MBD5: variants seen among roughly 807,000 people sequenced by gnomAD.
MBD5 encodes the protein methyl-CpG binding domain protein 5.
In MBD5, 13 loss-of-function variants were observed where a neutral mutation model predicts 117.3. The ratio of observed to expected loss-of-function variants is 0.11; its 90% CI spans 0.07 to 0.18. The LOEUF (loss-of-function observed/expected upper bound fraction) is 0.18, where lower values mean the gene tolerates loss of function less well. MBD5 is among the 10% of genes least tolerant of loss of function. The probability of loss-of-function intolerance (pLI) is 1.00; values close to 1 mark genes in which losing one functional copy is unlikely to be tolerated. For missense variants in MBD5, 1,879 were observed against 2,093.8 expected (o/e 0.90, Z 2.00); for synonymous variants, 727 against 766.4 (o/e 0.95, Z 0.85).
intron 1 of MBD5, among the ~76,000 whole-genome samples, chr2:148,155,237 G>A (rs1032184410): frequency 1.3e-5 from 2 of 152,174 alleles, no homozygotes; most frequent in African/African-American, 4.8e-5. Context: ...TTTAAGCAAA[G>A]ATCTGAGGAG....
intron 4 of MBD5, among the ~76,000 whole-genome samples, chr2:148,356,941 A>ACTC (rs1347170705): frequency 3.7e-4 from 56 of 151,204 alleles, no homozygotes; most frequent in Non-Finnish European, 1.3e-4. Flanking sequence ...TCCCTTAGCA[A>ACTC]CTCCTAAGAA....
intron 1 of MBD5, chr2:148,027,336 G>A (rs1166689830): frequency 6.6e-6 from 1 of 152,134 alleles, no homozygotes; most frequent in Admixed American, 6.5e-5. Flanking sequence ...AAAAGCTACT[G>A]AATTAAAATA....
At chr2:148,128,195 T>A (rs1696948771) in intron 1 of MBD5, among the ~76,000 whole-genome samples, 1 of 152,218 alleles carries the variant, frequency 6.6e-6, no homozygotes, top group Admixed American at 6.5e-5. Flanking sequence ...TTCACTCTGA[T>A]AATAGTTTCT....
At chr2:148,320,671 T>A (rs72618898) in intron 3 of MBD5, among the ~76,000 whole-genome samples, 2,556 of 152,266 alleles carry the variant, frequency 0.017, 80 homozygotes, top group Admixed American at 0.081. Context: ...GGGACATTTT[T>A]TTATTTACTG....
At chr2:148,028,688 T>A (rs1693964135) in intron 1 of MBD5, 1 of 152,094 alleles carries the variant, frequency 6.6e-6, no homozygotes, top group Non-Finnish European at 1.5e-5. Context: ...GATTTTTAAA[T>A]AGCTTTGTTA....
intron 1 of MBD5, among the ~76,000 whole-genome samples, chr2:148,075,619 A>G (rs1434891149): frequency 6.6e-6 from 1 of 151,730 alleles, no homozygotes; most frequent in Non-Finnish European, 1.5e-5. Flanking sequence ...TTGTATTATA[A>G]GTGACTTCTT....
At chr2:148,212,422 G>A (rs1370343154) in intron 2 of MBD5, among the ~76,000 whole-genome samples, 1 of 151,974 alleles carries the variant, frequency 6.6e-6, no homozygotes, top group Non-Finnish European at 1.5e-5. Flanking sequence ...ACTTTTTATA[G>A]CCAAATAATG....
chr2:148,279,155 A>T (rs1701180754), intron 3 of MBD5, among the ~76,000 whole-genome samples: 1 of 152,160 alleles, frequency 6.6e-6, no homozygotes, highest in Non-Finnish European at 1.5e-5. Flanking sequence ...AGAGCCATCA[A>T]GGTGTGGTAG....
At chr2:148,467,885 A>G (rs1394136495) in intron 7 of MBD5, among the ~76,000 whole-genome samples, 1 of 152,208 alleles carries the variant, frequency 6.6e-6, no homozygotes, top group Non-Finnish European at 1.5e-5. Flanking sequence ...AAATCACCCA[A>G]GAAAATATTA....
At chr2:148,364,556 A>T (rs532426033) in intron 4 of MBD5, among the ~76,000 whole-genome samples, 6 of 152,152 alleles carry the variant, frequency 3.9e-5, no homozygotes, top group African/African-American at 1.4e-4. Context: ...CAAATCGGAC[A>T]AAGTGTCAAG....
intron 4 of MBD5, among the ~76,000 whole-genome samples, chr2:148,352,516 T>C (rs1703271666): frequency 6.6e-6 from 1 of 152,008 alleles, no homozygotes; most frequent in Admixed American, 6.6e-5. Context: ...ACCACACCCA[T>C]TTCCCTTCCC....
Position 148,388,147 on chromosome 2 carries a change from T to C in MBD5, c.-557+45811T>C, listed in dbSNP as rs145801387. 8.9e-4 allele frequency among the ~76,000 whole-genome samples: 136 copies of C among 152,266 alleles called. 3 individuals are homozygous for C. Among genetic ancestry groups the C allele is most frequent in the African/African-American group, 3.1e-3 (127 of 41,572 alleles). On this transcript the variant is annotated intron_variant, in intron 4 of 13. Coordinates refer to ENST00000642680, the MANE Select transcript of MBD5 (RefSeq NM_001378120.1). ...AGCTTGACCAAAGGAACAAAATACA[T>C]TGTTTTGTGATTACCTAAATATGTG... is the stretch of plus-strand genomic sequence containing the variant.
intron 1 of MBD5, among the ~76,000 whole-genome samples, chr2:148,120,179 G>T (rs1696735149): frequency 6.6e-6 from 1 of 152,170 alleles, no homozygotes; most frequent in Non-Finnish European, 1.5e-5. Flanking sequence ...CTCCTAAAGT[G>T]CTGAGATTAC....
chr2:148,144,689 A>G (rs1697405910), intron 1 of MBD5, among the ~76,000 whole-genome samples: 1 of 152,228 alleles, frequency 6.6e-6, no homozygotes, highest in African/African-American at 2.4e-5. Flanking sequence ...TCCCAGCACC[A>G]TTTATTAAAT....
chr2:148,284,253 C>CT (rs578078640), intron 3 of MBD5, among the ~76,000 whole-genome samples: 7 of 151,458 alleles, frequency 4.6e-5, no homozygotes, highest in Admixed American at 6.6e-5. Context: ...TAAAGGAACA[C>CT]TTTTTTTTTC....
chr2:148,161,069 C>T (rs1179839734), intron 1 of MBD5, among the ~76,000 whole-genome samples: 1 of 152,214 alleles, frequency 6.6e-6, no homozygotes, highest in African/African-American at 2.4e-5. Context: ...GTCAGTTTCA[C>T]AGCTACAAAT....
rs1197271060 is a variant in MBD5 at position 148,489,990 on chromosome 2, G to A, written c.4358G>A (p.Gly1453Asp). The A allele has an allele frequency of 4.3e-6, 7 of 1,613,906 alleles. No homozygotes were observed. The highest frequency in any genetic ancestry group is 5.9e-6 in the Non-Finnish European group (7 of 1,179,996). ...WKYEEFLDHP[G>D]HIHSSPCHER... ...TACGAGGAATTTTTAGATCATCCAG[G>A]CCATATCCACAGTAGTCCTTGTCAT... The change falls in exon 11 of 14, where the codon GGC (glycine) becomes GAC (aspartate). Residue 1453 changes from glycine (G) to aspartate (D), a missense_variant. By Grantham distance (94) the Gly-to-Asp change is moderately conservative. Coordinates refer to ENST00000642680, the MANE Select transcript of MBD5 (RefSeq NM_001378120.1).
At chr2:148,095,850 T>C (rs544162401) in intron 1 of MBD5, among the ~76,000 whole-genome samples, 26 of 152,170 alleles carry the variant, frequency 1.7e-4, no homozygotes, top group African/African-American at 6.3e-4. Flanking sequence ...CTCTGAGCTA[T>C]AAAGCCACCT....
At chr2:148,027,531 C>G (rs1007818951) in intron 1 of MBD5, 2 of 151,772 alleles carry the variant, frequency 1.3e-5, no homozygotes, top group Admixed American at 6.6e-5. Flanking sequence ...TTCCAAAATC[C>G]GAAATGCTTA....
Sources: gnomAD v4.1 joint callset for allele counts (sites outside exome capture counted in the v4.1 genomes callset) on GRCh38, gnomAD v4.1.1 for gene constraint, MANE v1.5 for transcripts, NCBI Gene and HGNC (gene_info 2026-07-23, HGNC 2026-07-21) for gene names.